The following CSMD1 variants were observed in gnomAD, a reference collection of about 807,000 sequenced individuals.
The protein encoded by CSMD1 is CUB and Sushi multiple domains 1.
Under a neutral mutation model 417.5 loss-of-function variants are expected in CSMD1, and 213 were observed. That is an observed-to-expected ratio of 0.51 (90% CI 0.46 to 0.57). CSMD1 has a LOEUF of 0.57. Ranked by LOEUF, CSMD1 falls within the 20% of genes least tolerant of loss-of-function variation. The pLI is 0.00. For synonymous variants in CSMD1, 2,862 were observed against 1,736.8 expected (o/e 1.65, Z -16.11); for missense variants, 6,923 against 4,529.7 (o/e 1.53, Z -15.17).
intron 41 of CSMD1, among the ~76,000 whole-genome samples, chr8:3,132,460 A>C (rs978548437): frequency 6.6e-6 from 1 of 152,178 alleles, no homozygotes; most frequent in African/African-American, 2.4e-5. Context: ...GGAAATAATT[A>C]AACACTGATC....
intron 8 of CSMD1, among the ~76,000 whole-genome samples, chr8:3,597,868 G>C (rs890648038): frequency 6.6e-6 from 1 of 152,168 alleles, no homozygotes; most frequent in Non-Finnish European, 1.5e-5. Context: ...GATAGCATTA[G>C]CAGAAATACC....
chr8:3,788,101 C>G (rs1421699427), intron 5 of CSMD1, among the ~76,000 whole-genome samples: 1 of 152,174 alleles, frequency 6.6e-6, no homozygotes, highest in Non-Finnish European at 1.5e-5. Context: ...ACTTGCAACG[C>G]TTAGTTCTAA....
chr8:3,569,453 A>G (rs1799855818), intron 10 of CSMD1, among the ~76,000 whole-genome samples: 1 of 152,206 alleles, frequency 6.6e-6, no homozygotes, highest in Non-Finnish European at 1.5e-5. Context: ...AATGTTTCAA[A>G]AAAAGAGAAG....
At chr8:4,960,937 T>C (rs1809434207) in intron 1 of CSMD1, among the ~76,000 whole-genome samples, 1 of 152,180 alleles carries the variant, frequency 6.6e-6, no homozygotes, top group Non-Finnish European at 1.5e-5. Context: ...ACTTCTGATT[T>C]CACTGCACAT....
At chr8:4,174,538 T>G (rs1797935118) in intron 3 of CSMD1, among the ~76,000 whole-genome samples, 1 of 150,814 alleles carries the variant, frequency 6.6e-6, no homozygotes, top group Admixed American at 6.6e-5. Flanking sequence ...TCCACCCACC[T>G]CTCAAAAGAG....
intron 7 of CSMD1, among the ~76,000 whole-genome samples, chr8:3,662,212 G>C (rs566963789): frequency 2.6e-5 from 4 of 152,260 alleles, no homozygotes; most frequent in African/African-American, 7.2e-5. Context: ...ATTAACAGTG[G>C]GTTTAGGAAA....
chr8:3,366,948 ACACACACACC>A, intron 20 of CSMD1, 74 bp downstream of exon 20: 1 of 1,060,992 alleles, frequency 9.4e-7, no homozygotes, highest in Non-Finnish European at 1.4e-6. Context: ...CATTACACAC[ACACACACACC>A]CACACACATT....
intron 5 of CSMD1, among the ~76,000 whole-genome samples, chr8:3,885,481 T>C (rs751377899): frequency 3.3e-5 from 5 of 152,144 alleles, no homozygotes; most frequent in Non-Finnish European, 4.4e-5. Flanking sequence ...TTCTCAGAGA[T>C]GAAAATAAAC....
intron 23 of CSMD1, among the ~76,000 whole-genome samples, chr8:3,342,745 C>T (rs994269431): frequency 6.6e-6 from 1 of 152,156 alleles, no homozygotes; most frequent in Non-Finnish European, 1.5e-5. Flanking sequence ...ACTCTTAAAA[C>T]TGTTATCTCT....
intron 3 of CSMD1, among the ~76,000 whole-genome samples, chr8:4,199,964 G>C (rs772632826): frequency 6.6e-6 from 1 of 152,130 alleles, no homozygotes; most frequent in Non-Finnish European, 1.5e-5. Context: ...AAAAAGACCT[G>C]AATGAAATAA....
At chr8:4,740,264 G>C (rs576632140) in intron 1 of CSMD1, among the ~76,000 whole-genome samples, 2 of 152,234 alleles carry the variant, frequency 1.3e-5, no homozygotes, top group East Asian at 1.9e-4. Flanking sequence ...AATAATATTA[G>C]TAATAGTCTG....
chr8:3,090,610 G>A (rs1273979424), intron 48 of CSMD1, among the ~76,000 whole-genome samples: 4 of 152,058 alleles, frequency 2.6e-5, no homozygotes, highest in Admixed American at 6.5e-5. Context: ...CCCTTTGGAC[G>A]CTCGTAGTCC....
At chr8:4,565,926 G>A (rs981626493) in intron 2 of CSMD1, among the ~76,000 whole-genome samples, 1 of 151,382 alleles carries the variant, frequency 6.6e-6, no homozygotes, top group East Asian at 1.9e-4. Context: ...GTTTCAATGA[G>A]TGAAAAATTA....
intron 25 of CSMD1, among the ~76,000 whole-genome samples, chr8:3,303,649 G>T (rs933609112): frequency 6.6e-6 from 1 of 152,188 alleles, no homozygotes; most frequent in African/African-American, 2.4e-5. Flanking sequence ...TAGGAACAGT[G>T]TACACATATG....
chr8:4,718,165 C>G (rs1808809649), intron 1 of CSMD1, among the ~76,000 whole-genome samples: 1 of 152,078 alleles, frequency 6.6e-6, no homozygotes. Context: ...TTTGTACAGA[C>G]AGGGTCTACC....
rs188836451 is a variant in CSMD1, at chr8:3,968,155, C to A, written c.818+29748G>T. Among the ~76,000 whole-genome samples the A allele has an allele frequency of 3.7e-3, 554 of 151,664 alleles. 5 individuals carry two copies. The highest frequency in any genetic ancestry group is 0.013 in the African/African-American group (535 of 41,284). On this transcript the variant is annotated intron_variant, in intron 5 of 69. Coordinates refer to ENST00000635120, the MANE Select transcript of CSMD1 (RefSeq NM_033225.6). ...TGAGCCGAGATCGACCCACTGCACT[C>A]CAGCCTGGGTGACAGAGCGAGACTC...
At chr8:3,774,476 GGACA>G in intron 5 of CSMD1, among the ~76,000 whole-genome samples, 1 of 152,250 alleles carries the variant, frequency 6.6e-6, no homozygotes, top group East Asian at 1.9e-4. Flanking sequence ...CTGGCTCATA[GGACA>G]GAGAGACGGT....
intron 54 of CSMD1, among the ~76,000 whole-genome samples, chr8:2,980,523 T>A (rs948317430): frequency 6.6e-6 from 1 of 152,288 alleles, no homozygotes; most frequent in South Asian, 2.1e-4. Context: ...ATCTTCTCTT[T>A]GGCCCAGCCT....
At chr8:3,652,639 C>T (rs979064806) in intron 7 of CSMD1, among the ~76,000 whole-genome samples, 1 of 152,136 alleles carries the variant, frequency 6.6e-6, no homozygotes, top group African/African-American at 2.4e-5. Context: ...TTTATGGAAC[C>T]ATCAGATCTC....
Sources: gnomAD v4.1 joint callset for allele counts (sites outside exome capture counted in the v4.1 genomes callset) on GRCh38, gnomAD v4.1.1 for gene constraint, MANE v1.5 for transcripts, NCBI Gene and HGNC (gene_info 2026-07-23, HGNC 2026-07-21) for gene names.